PDE3A: variants seen among roughly 807,000 people sequenced by gnomAD.
PDE3A encodes the protein phosphodiesterase 3A.
In PDE3A, 43 loss-of-function variants were observed where a neutral mutation model predicts 98.3. The observed-to-expected ratio is 0.44, with a 90% CI of 0.34 to 0.56. The LOEUF is 0.56. PDE3A is among the 20% of genes least tolerant of loss of function. The probability of loss-of-function intolerance (pLI) is 0.01; values close to 1 mark genes in which losing one functional copy is unlikely to be tolerated. For missense variants in PDE3A, 1,427 were observed against 1,440.7 expected (o/e 0.99, Z 0.15); for synonymous variants, 663 against 567.9 (o/e 1.17, Z -2.38).
chr12:20,572,183 C>T, intron 2 of PDE3A: 1 of 1,169,964 alleles, frequency 8.5e-7, no homozygotes, highest in Non-Finnish European at 1.1e-6. Flanking sequence ...TATGAATAAC[C>T]TTTTTGTTCT....
At chr12:20,523,096 A>G (rs1456208923) in intron 1 of PDE3A, among the ~76,000 whole-genome samples, 1 of 152,150 alleles carries the variant, frequency 6.6e-6, no homozygotes, top group East Asian at 1.9e-4. Flanking sequence ...AAAGATAGTG[A>G]AAATTCTAAT....
At chr12:20,390,199 C>T (rs1444160881) in intron 1 of PDE3A, among the ~76,000 whole-genome samples, 2 of 151,444 alleles carry the variant, frequency 1.3e-5, no homozygotes, top group Non-Finnish European at 3.0e-5. Flanking sequence ...GATGTGGGGC[C>T]GGTGTGGAGA....
At chr12:20,611,558 A>G (rs1429640270) in intron 2 of PDE3A, among the ~76,000 whole-genome samples, 1 of 151,934 alleles carries the variant, frequency 6.6e-6, no homozygotes, top group Non-Finnish European at 1.5e-5. Context: ...TGAAAGTAAT[A>G]ATAGTACTTA....
At chr12:20,401,302 A>T (rs1486034937) in intron 1 of PDE3A, among the ~76,000 whole-genome samples, 2 of 152,188 alleles carry the variant, frequency 1.3e-5, no homozygotes, top group African/African-American at 4.8e-5. Context: ...ATCAGGCAGC[A>T]GTTTTGTTGA....
chr12:20,688,319 G>A lies in PDE3A; in HGVS notation c.*8048G>A, dbSNP rs775186312. Among the ~76,000 whole-genome samples, 157 of 151,976 alleles carry A rather than the reference G, an allele frequency of 1.0e-3. No homozygotes were observed. Among genetic ancestry groups the A allele is most frequent in the Non-Finnish European group, 1.7e-3 (114 of 67,908 alleles). On this transcript the variant is annotated 3_prime_UTR_variant, in exon 16 of 16. Transcript: ENST00000359062. ...ATCACAAGTATTGTTAGGCGACTTAGTGGCGGAGAAATGTTTGTAAAAAGT... is the reference window on the plus strand; with the variant it reads ...ATCACAAGTATTGTTAGGCGACTTAATGGCGGAGAAATGTTTGTAAAAAGT...
chr12:20,457,425 A>G (rs1230590952), intron 1 of PDE3A, among the ~76,000 whole-genome samples: 1 of 151,872 alleles, frequency 6.6e-6, no homozygotes, highest in Non-Finnish European at 1.5e-5. Flanking sequence ...GGCGTATATG[A>G]AATAAAATTT....
rs541896230 is a variant in PDE3A at position 20,653,186 on chromosome 12, A to T, written c.2926-761A>T. On this transcript the variant is annotated intron_variant, in intron 14 of 15. Coordinates refer to ENST00000359062, the MANE Select transcript of PDE3A (RefSeq NM_000921.5). ...CATTTGTACAGTAATATTATTAAAC[A>T]TATAGATAAATAAGAATATCAGAAA... 3.3e-5 allele frequency among the ~76,000 whole-genome samples: 5 copies of T among 152,334 alleles called. No individual in the cohort carries two copies. In the East Asian group the frequency reaches 9.6e-4, roughly 29 times the overall value.
In PDE3A at chr12:20,650,575, G is replaced by C. The variant is rs201974292; in HGVS notation, c.2900G>C (p.Gly967Ala). The part of the protein sequence containing the change: ...CKELHLQWTD[G>A]IVNEFYEQGD... ...GAACTCCATCTTCAGTGGACAGATG[G>C]TATTGTCAATGAATTTTATGAACAG... Residue 967 changes from glycine (G) to alanine (A), a missense_variant, in exon 14 of 16, where the codon GGT becomes GCT. Around this residue, in one of 3 missense-constraint regions of PDE3A, gnomAD observed 273 missense variants for 420.3 expected, o/e 0.65. Transcript: ENST00000359062. The C allele has an allele frequency of 2.5e-6, 4 of 1,611,062 alleles. No homozygotes were observed. The highest frequency in any genetic ancestry group is 3.4e-6 in the Non-Finnish European group (4 of 1,177,750).
intron 8 of PDE3A, among the ~76,000 whole-genome samples, 184 bp downstream of exon 8, chr12:20,635,240 G>A (rs1012385222): frequency 6.6e-6 from 1 of 152,034 alleles, no homozygotes; most frequent in African/African-American, 2.4e-5. Flanking sequence ...CCAATATGGT[G>A]AAACCCCTAT....
chr12:20,556,958 T>C (rs1942384633), intron 2 of PDE3A: 1 of 491,382 alleles, frequency 2.0e-6, no homozygotes, highest in Non-Finnish European at 3.6e-6. Flanking sequence ...ATAGATTTTA[T>C]ATTCATCTTG....
intron 1 of PDE3A, among the ~76,000 whole-genome samples, chr12:20,442,469 G>A (rs1944885471): frequency 6.6e-6 from 1 of 152,142 alleles, no homozygotes; most frequent in African/African-American, 2.4e-5. Flanking sequence ...TCACACGCTG[G>A]TTCTCAGCAC....
At chr12:20,563,527 G>C (rs1394129601) in intron 2 of PDE3A, among the ~76,000 whole-genome samples, 2 of 152,034 alleles carry the variant, frequency 1.3e-5, no homozygotes, top group African/African-American at 4.8e-5. Context: ...TACAAACATA[G>C]TGTCTTTCAC....
chr12:20,670,896 T>A (rs1354635634), intron 15 of PDE3A, among the ~76,000 whole-genome samples: 1 of 131,534 alleles, frequency 7.6e-6, no homozygotes, highest in East Asian at 2.1e-4. Flanking sequence ...TTCAAAAAAT[T>A]AATGAATCCA....
chr12:20,449,561 G>A, intron 1 of PDE3A: 2 of 281,612 alleles, frequency 7.1e-6, no homozygotes, highest in Non-Finnish European at 1.4e-5. Flanking sequence ...TTTCCACAGA[G>A]TCCTTCCATG....
At chr12:20,415,712 C>T (rs1170203188) in intron 1 of PDE3A, among the ~76,000 whole-genome samples, 4 of 152,208 alleles carry the variant, frequency 2.6e-5, no homozygotes, top group African/African-American at 4.8e-5. Context: ...GCTAGGATTA[C>T]AGGCGTGAGC....
At chr12:20,437,761 G>A (rs4762962) in intron 1 of PDE3A, among the ~76,000 whole-genome samples, 95,596 of 151,930 alleles carry the variant, frequency 0.63, 31,492 homozygotes, top group South Asian at 0.76. Context: ...ACAATTCAAC[G>A]TGAGATTTAG....
chr12:20,382,306 G>T (rs895051204), intron 1 of PDE3A, among the ~76,000 whole-genome samples: 3 of 151,802 alleles, frequency 2.0e-5, no homozygotes, highest in African/African-American at 7.3e-5. Flanking sequence ...TCTGACTTTT[G>T]CAATCCAATT....
At chr12:20,668,908 G>A (rs949166205) in intron 15 of PDE3A, among the ~76,000 whole-genome samples, 55 of 150,968 alleles carry the variant, frequency 3.6e-4, no homozygotes, top group African/African-American at 1.2e-3. Flanking sequence ...TCCGAGCTAC[G>A]GGAGGACATT....
chr12:20,407,772 A>G (rs1033186784), intron 1 of PDE3A, among the ~76,000 whole-genome samples: 3 of 152,156 alleles, frequency 2.0e-5, no homozygotes, highest in African/African-American at 4.8e-5. Context: ...TATGTTTTTC[A>G]TAGTATAGAT....
Sources: allele counts gnomAD v4.1 joint callset (sites outside exome capture counted in the v4.1 genomes callset), GRCh38; gene constraint gnomAD v4.1.1; regional missense constraint gnomAD v4.1.1; transcripts MANE v1.5; gene names NCBI Gene and HGNC (gene_info 2026-07-23, HGNC 2026-07-21).